DENND4C: variants seen among roughly 807,000 people sequenced by gnomAD.
The protein encoded by DENND4C is DENN domain containing 4C.
A neutral mutation model predicts 203.0 loss-of-function variants in DENND4C; 108 were observed. That is an observed-to-expected ratio of 0.53 (90% CI 0.46 to 0.62). DENND4C has a LOEUF of 0.62. Ranked by LOEUF, DENND4C falls within the 20% of genes least tolerant of loss-of-function variation. DENND4C has a pLI of 0.00. For missense variants in DENND4C, 2,481 were observed against 2,301.2 expected (o/e 1.08, Z -1.60); for synonymous variants, 871 against 792.4 (o/e 1.10, Z -1.67).
At chr9:19,369,017 G>A (rs1287638041) in intron 30 of DENND4C, among the ~76,000 whole-genome samples, 1 of 150,314 alleles carries the variant, frequency 6.7e-6, no homozygotes, top group Non-Finnish European at 1.5e-5. Context: ...AACTGTGATG[G>A]TGCATGCCTG....
chr9:19,274,158 G>C lies in DENND4C; in HGVS notation c.-17-2000G>C, dbSNP rs182338584. On this transcript the variant is annotated intron_variant, in intron 1 of 32. Transcript: ENST00000434457. ...ATGAGTAAAGAAGCCAGAGAAAAAAGAATACATACTGTATGAGTCTACTTA... is the reference window on the plus strand; with the variant it reads ...ATGAGTAAAGAAGCCAGAGAAAAAACAATACATACTGTATGAGTCTACTTA... 1.1e-3 allele frequency among the ~76,000 whole-genome samples: 161 copies of C among 152,036 alleles called. 1 individual carries two copies. Among genetic ancestry groups the C allele is most frequent in the African/African-American group, 3.8e-3 (156 of 41,372 alleles).
At chr9:19,337,648 T>C in intron 20 of DENND4C, 2 of 1,288,660 alleles carry the variant, frequency 1.6e-6, no homozygotes, top group Non-Finnish European at 2.0e-6. Context: ...GCATTAATTC[T>C]ACCCTTGAAT....
In DENND4C at chr9:19,359,979, T is replaced by C. The variant is rs1230788971; in HGVS notation, c.5161-265T>C. On this transcript the variant is annotated intron_variant, in intron 28 of 32. Coordinates refer to ENST00000434457, the MANE Select transcript of DENND4C (RefSeq NM_001330640.2). The stretch of plus-strand genomic sequence containing the variant: ...CTTATAAAAATTGAAAAAAACCTAA[T>C]ACATTCAGGCCATTGCTCTCAGTGT... Among the ~76,000 whole-genome samples, 8 of 152,300 alleles carry C rather than the reference T, an allele frequency of 5.3e-5. No homozygotes were observed. The East Asian group carries it at 7.7e-4, about 15-fold the overall frequency.
Position 19,350,809 on chromosome 9 carries a change from T to C in DENND4C, c.4425T>C (p.Leu1475=). The C allele has an allele frequency of 6.2e-7, 1 of 1,614,118 alleles. No homozygotes were observed. The highest frequency in any genetic ancestry group is 8.5e-7 in the Non-Finnish European group (1 of 1,180,010). ...TSISGLVPSE[L]TQSNTSLGSS... is the part of the protein sequence containing the mutation. ...TCTCAGGGTTGGTCCCCAGTGAACT[T>C]ACCCAGAGCAACACAAGTCTTGGCA... The change falls in exon 24 of 33, where the codon CTT becomes CTC. Residue 1475 remains leucine, a synonymous_variant. Transcript: ENST00000434457.
chr9:19,347,656 G>A (rs1003726141), intron 23 of DENND4C, among the ~76,000 whole-genome samples: 2 of 152,144 alleles, frequency 1.3e-5, no homozygotes, highest in African/African-American at 4.8e-5. Flanking sequence ...ATGTAAGGAA[G>A]TTAATAATGT....
In DENND4C at chr9:19,269,448, C is replaced by T. The variant is rs533118039; in HGVS notation, c.-17-6710C>T. Among the ~76,000 whole-genome samples the T allele has an allele frequency of 1.0e-3, 154 of 152,284 alleles. No individual in the cohort carries two copies. The South Asian group carries it at 0.014, about 14-fold the overall frequency. On this transcript the variant is annotated intron_variant, in intron 1 of 32. Transcript: ENST00000434457. The stretch of plus-strand genomic sequence containing the variant: ...TGCTGGGATTACAGGCCTGAGCCAC[C>T]GTGTCCGGCCCCTTGACTGTGTTTT...
At chr9:19,321,584 C>T (rs1437482717) in intron 12 of DENND4C, among the ~76,000 whole-genome samples, 1 of 151,862 alleles carries the variant, frequency 6.6e-6, no homozygotes, top group South Asian at 2.1e-4. Context: ...GTGGCTCACG[C>T]CTGTAATCCC....
chr9:19,300,326 G>T lies in DENND4C; in HGVS notation c.1306G>T (p.Val436Leu), dbSNP rs764996233. ...CTTGACTGGGGTAGCTGAAGCTGTT[G>T]TAGCTGTAAGTATAGAATTTTCCTT... Reference protein sequence around the residue: ...AVLTGVAEAVVAMIFPFQWQC... With the variant: ...AVLTGVAEAVLAMIFPFQWQC... The change falls in exon 9 of 33, where the codon GTA (valine) becomes TTA (leucine). Residue 436 changes from valine (V) to leucine (L), a missense_variant. Val to Leu is a conservative substitution (Grantham distance 32). Transcript: ENST00000434457. 4 of 1,572,836 alleles carry T rather than the reference G, an allele frequency of 2.5e-6. No homozygotes were observed. Among genetic ancestry groups the T allele is most frequent in the Non-Finnish European group, 2.6e-6 (3 of 1,152,378 alleles).
In DENND4C at chr9:19,326,194, G is replaced by C; in HGVS notation, c.2120G>C (p.Ser707Thr). ...GGAAAGGACCTGTCACCAAAGTACA[G>C]GTAGTAGGAAGTTTTAAAAGAGCTT... The part of the protein sequence containing the change: ...DDGKDLSPKY[S>T]YKYFPRLDLK... The change falls in exon 15 of 33, where the codon AGT (serine) becomes ACT (threonine). Residue 707 changes from serine to threonine, a missense_variant and splice_region_variant. Coordinates refer to ENST00000434457, the MANE Select transcript of DENND4C (RefSeq NM_001330640.2). The C allele has an allele frequency of 6.2e-7, 1 of 1,601,954 alleles. No individual in the cohort carries two copies. The highest frequency in any genetic ancestry group is 8.5e-7 in the Non-Finnish European group (1 of 1,177,110).
chr9:19,303,209 C>A (rs980052693), intron 9 of DENND4C, among the ~76,000 whole-genome samples: 4 of 152,180 alleles, frequency 2.6e-5, no homozygotes, highest in African/African-American at 9.6e-5. Context: ...TGTTGGTGCT[C>A]AAAAAGTGTT....
intron 1 of DENND4C, among the ~76,000 whole-genome samples, chr9:19,263,671 T>C (rs1250708551): frequency 6.6e-6 from 1 of 151,292 alleles, no homozygotes; most frequent in Admixed American, 6.6e-5. Flanking sequence ...TTTTTTTTTT[T>C]AAGACAGAAT....
At chr9:19,273,101 G>A (rs1832103941) in intron 1 of DENND4C, among the ~76,000 whole-genome samples, 1 of 151,654 alleles carries the variant, frequency 6.6e-6, no homozygotes, top group Non-Finnish European at 1.5e-5. Context: ...GGCACCCGCC[G>A]CCACCATGCC....
At chr9:19,329,070 A>G (rs974885345) in intron 16 of DENND4C, among the ~76,000 whole-genome samples, 6 of 152,142 alleles carry the variant, frequency 3.9e-5, no homozygotes, top group African/African-American at 1.4e-4. Flanking sequence ...ATTAAAATAT[A>G]ATTCATATAC....
chr9:19,352,436 GTTAAGA>G (rs1824367597), intron 25 of DENND4C, 48 bp from the exon 26 acceptor site: 7 of 1,465,656 alleles, frequency 4.8e-6, no homozygotes, highest in East Asian at 2.3e-5. Flanking sequence ...GAGAATTCCT[GTTAAGA>G]TTAATTTTTA....
intron 2 of DENND4C, 58 bp from the exon 3 acceptor site, chr9:19,286,711 C>T: frequency 2.5e-6 from 3 of 1,201,174 alleles, no homozygotes; most frequent in Non-Finnish European, 3.1e-6. Flanking sequence ...TATATATGTA[C>T]ATATGTATGT....
intron 1 of DENND4C, among the ~76,000 whole-genome samples, chr9:19,257,683 G>C (rs1478448597): frequency 6.6e-6 from 1 of 152,140 alleles, no homozygotes; most frequent in Non-Finnish European, 1.5e-5. Flanking sequence ...ACAAATTACT[G>C]ATATCAGAAT....
At chr9:19,317,208 G>C (rs1842007102) in intron 12 of DENND4C, among the ~76,000 whole-genome samples, 1 of 139,436 alleles carries the variant, frequency 7.2e-6, no homozygotes, top group African/African-American at 2.7e-5. Context: ...TTTTAATAGA[G>C]CAGAGTCTTG....
rs938710489 is a variant in DENND4C at position 19,300,096 on chromosome 9, C to G, written c.1167-91C>G. The G allele has an allele frequency of 9.4e-6, 12 of 1,272,426 alleles. No individual in the cohort carries two copies. In the Admixed American group the frequency reaches 2.8e-4, roughly 30 times the overall value. The allele number at this position is 1,272,426 out of a possible 1,614,324, so 78.8% of individuals were successfully genotyped here. A position where few individuals can be genotyped will look rare whatever the true frequency, so the allele number is the denominator to read the frequency against. On this transcript the variant is annotated intron_variant, in intron 8 of 32. Coordinates refer to ENST00000434457, the MANE Select transcript of DENND4C (RefSeq NM_001330640.2). ...GTAAAGACTAGAAATTAACACTAGA[C>G]TCTCAATCTGTTGATACTTTAATAA...
At chr9:19,362,328 C>G (rs1826677932) in intron 30 of DENND4C, among the ~76,000 whole-genome samples, 1 of 151,924 alleles carries the variant, frequency 6.6e-6, no homozygotes, top group Non-Finnish European at 1.5e-5. Context: ...AAAATGGGAA[C>G]AACTCAAATA....
Sources: gnomAD v4.1 joint callset for allele counts (sites outside exome capture counted in the v4.1 genomes callset) on GRCh38, gnomAD v4.1.1 for gene constraint, MANE v1.5 for transcripts, NCBI Gene and HGNC (gene_info 2026-07-23, HGNC 2026-07-21) for gene names.